The following LMF1 variants were observed in gnomAD, a reference collection of about 807,000 sequenced individuals.
LMF1 encodes transmembrane protein 112.
Under a neutral mutation model 60.6 loss-of-function variants are expected in LMF1, and 68 were observed. The observed-to-expected ratio is 1.12, with a 90% CI of 0.92 to 1.37. The LOEUF (loss-of-function observed/expected upper bound fraction) is 1.37. Among genes scored for constraint, LMF1 ranks in the 40% most tolerant of loss-of-function variants. LMF1 has a pLI of 0.00. For missense variants in LMF1, 948 were observed against 767.2 expected (o/e 1.24, Z -2.78); for synonymous variants, 418 against 324.7 (o/e 1.29, Z -3.09).
At chr16:922,832 C>A (rs1302215631) in intron 3 of LMF1, among the ~76,000 whole-genome samples, 1 of 107,844 alleles carries the variant, frequency 9.3e-6, no homozygotes, top group East Asian at 2.8e-4. Context: ...GTTGCGAAGG[C>A]CCTGTGTGAA....
At chr16:861,354 C>CTTTTTTTT (rs33941455) in intron 10 of LMF1, among the ~76,000 whole-genome samples, 2 of 92,664 alleles carry the variant, frequency 2.2e-5, no homozygotes, top group Non-Finnish European at 4.2e-5. Flanking sequence ...AATTTTCTTT[C>CTTTTTTTT]TTTTTTTTTT....
Position 874,736 on chromosome 16 carries a change from C to T in LMF1, c.898-3395G>A, listed in dbSNP as rs1407246755. Among the ~76,000 whole-genome samples the T allele has an allele frequency of 4.6e-5, 7 of 151,644 alleles. No individual in the cohort carries two copies. The highest frequency in any genetic ancestry group is 6.6e-5 in the Admixed American group (1 of 15,244). On this transcript the variant is annotated intron_variant, in intron 6 of 10. Transcript: ENST00000262301. This position sits in a 1 kb window ranked among gnomAD's most constrained non-coding sequence, Gnocchi z 4.1. ...ACCAGGACGGGATCCGGGGAGGCGG[C>T]GCTCAGATGGGAACACACGGAACCA...
rs1323867915 is a variant in LMF1 at position 930,135 on chromosome 16, G to T, written c.514+4109C>A. ...CAGAGCCCAGGACAGCAGTGGTGGCGTCCGTCTGAACGGGGGCGCAGGACC... is the reference window on the plus strand; with the variant it reads ...CAGAGCCCAGGACAGCAGTGGTGGCTTCCGTCTGAACGGGGGCGCAGGACC... On this transcript the variant is annotated intron_variant, in intron 3 of 10. Transcript: ENST00000262301. Among the ~76,000 whole-genome samples, 2 of 142,156 alleles carry T rather than the reference G, an allele frequency of 1.4e-5. 1 individual carries two copies. The highest frequency in any genetic ancestry group is 5.5e-5 in the African/African-American group (2 of 36,172). 93.3% of individuals were successfully genotyped at this position (142,156 alleles called of 152,430 possible). A position where few individuals can be genotyped will look rare whatever the true frequency, so the allele number is the denominator to read the frequency against.
chr16:910,057 T>C (rs1264966066), intron 4 of LMF1, among the ~76,000 whole-genome samples: 1 of 152,244 alleles, frequency 6.6e-6, no homozygotes, highest in African/African-American at 2.4e-5. Flanking sequence ...GATTTTATCA[T>C]TCCAGCCCAA....
At chr16:858,934 G>GGTGTGCAGTGGTGCCACGGGACGC (rs2069316556) in intron 10 of LMF1, among the ~76,000 whole-genome samples, 4 of 80,126 alleles carry the variant, frequency 5.0e-5, no homozygotes, top group African/African-American at 2.7e-4. Flanking sequence ...TCACGGGACG[G>GGTGTGCAGTGGTGCCACGGGACGC]GTGTGCAGTG....
chr16:979,968 C>T, intron 1 of LMF1: 4 of 350,256 alleles, frequency 1.1e-5, no homozygotes, highest in South Asian at 8.5e-5. Flanking sequence ...AGAGGCACTG[C>T]AGACGGAGGT....
At chr16:926,618 C>T (rs556549155) in intron 3 of LMF1, among the ~76,000 whole-genome samples, 18 of 152,326 alleles carry the variant, frequency 1.2e-4, no homozygotes, top group Admixed American at 2.6e-4. Flanking sequence ...TCAAAACAAG[C>T]GCCACCAAAG....
At chr16:857,440 CGGG>C in intron 10 of LMF1, among the ~76,000 whole-genome samples, 1 of 148,838 alleles carries the variant, frequency 6.7e-6, no homozygotes, top group African/African-American at 2.5e-5. Context: ...AGTGGTGTCA[CGGG>C]ACGGGTGTGA....
rs371225062 is a variant in LMF1 at position 871,256 on chromosome 16, A to C, written c.983T>G (p.Leu328Arg). The C allele has an allele frequency of 3.2e-5, 52 of 1,612,384 alleles. No homozygotes were observed. Among genetic ancestry groups the C allele is most frequent in the Non-Finnish European group, 4.3e-5 (51 of 1,179,792 alleles). Residue 328 changes from leucine to arginine, a missense_variant, in exon 7 of 11, where the codon CTG (leucine) becomes CGG (arginine). By Grantham distance (102) the Leu-to-Arg change is moderately radical. Transcript: ENST00000262301. ...TGGCCCAGAGGGGAACAAGAATCCC[A>C]GGGTGGCGTCATCAAAGCAGGCCAG... The part of the protein sequence containing the change: ...PSLACFDDAT[L>R]GFLFPSGPGS...
chr16:976,032 G>GTGGACATTCTGGGC, intron 1 of LMF1: 1 of 454,098 alleles, frequency 2.2e-6, no homozygotes, highest in Non-Finnish European at 4.4e-6. Context: ...CATGAACTCT[G>GTGGACATTCTGGGC]AAGGTTGAGC....
At chr16:935,380 C>T (rs2071909977) in intron 2 of LMF1, among the ~76,000 whole-genome samples, 1 of 152,128 alleles carries the variant, frequency 6.6e-6, no homozygotes, top group South Asian at 2.1e-4. Flanking sequence ...CAGGTGTGAA[C>T]TGCCCCAGCC....
intron 3 of LMF1, among the ~76,000 whole-genome samples, chr16:920,568 T>C (rs1233229466): frequency 6.6e-6 from 1 of 152,152 alleles, no homozygotes; most frequent in Non-Finnish European, 1.5e-5. Flanking sequence ...TGAGAGGCTT[T>C]TAGAAAACAC....
At chr16:887,895 C>T (rs138286560) in intron 5 of LMF1, among the ~76,000 whole-genome samples, 30 of 152,286 alleles carry the variant, frequency 2.0e-4, no homozygotes, top group African/African-American at 3.1e-4. Context: ...TGCAGGCTGC[C>T]GGCCACAGGC....
intron 3 of LMF1, among the ~76,000 whole-genome samples, chr16:930,722 T>C (rs2151782179): frequency 6.6e-6 from 1 of 152,334 alleles, no homozygotes; most frequent in South Asian, 2.1e-4. Flanking sequence ...TGTGAGAGCA[T>C]GTCCCGGGGA....
intron 2 of LMF1, among the ~76,000 whole-genome samples, chr16:944,331 A>G (rs1447003240): frequency 1.3e-5 from 2 of 152,220 alleles, no homozygotes; most frequent in African/African-American, 4.8e-5. Context: ...ACAGCTTAGA[A>G]CAAACCCAAG....
chr16:933,382 G>C (rs540436631), intron 3 of LMF1: 1 of 152,570 alleles, frequency 6.6e-6, no homozygotes, highest in Admixed American at 6.5e-5. Context: ...ATGAAAATAC[G>C]TGAGGAATAA....
chr16:889,120 C>T (rs2070400490), intron 5 of LMF1, among the ~76,000 whole-genome samples: 1 of 152,200 alleles, frequency 6.6e-6, no homozygotes, highest in South Asian at 2.1e-4. Flanking sequence ...AGCTGCAGGG[C>T]ACCCTGGTGG....
chr16:900,446 A>C (rs8046999), intron 4 of LMF1: 1 of 152,044 alleles, frequency 6.6e-6, no homozygotes, highest in South Asian at 2.1e-4. Context: ...GCAGAGCCGT[A>C]AGCTGCACAG....
chr16:974,914 G>A (rs560616741), upstream of LMF1, among the ~76,000 whole-genome samples: 201 of 152,358 alleles, frequency 1.3e-3, no homozygotes, highest in African/African-American at 3.5e-3. Flanking sequence ...TGAAGTCTGG[G>A]TATGGAAGGG....
Sources: gnomAD v4.1 joint callset for allele counts (sites outside exome capture counted in the v4.1 genomes callset) on GRCh38, gnomAD v4.1.1 for gene constraint, Gnocchi (gnomAD v3.1) non-coding constraint, MANE v1.5 for transcripts, NCBI Gene and HGNC (gene_info 2026-07-23, HGNC 2026-07-21) for gene names.